The following CNTNAP2 variants were observed in gnomAD, a reference collection of about 807,000 sequenced individuals.
The protein encoded by CNTNAP2 is contactin associated protein 2, also known as contactin-associated protein-like 2.
In CNTNAP2, 98 loss-of-function variants were observed where a neutral mutation model predicts 155.2. That is an observed-to-expected ratio of 0.63 (90% confidence interval 0.54 to 0.75). The LOEUF is 0.75. Ranked by LOEUF, CNTNAP2 falls within the 30% of genes least tolerant of loss-of-function variation. CNTNAP2 has a pLI of 0.00. For synonymous variants in CNTNAP2, 651 were observed against 631.2 expected, an observed-to-expected ratio of 1.03 and a Z score of -0.47; for missense variants, 1,727 against 1,688.1, an observed-to-expected ratio of 1.02 and a Z score of -0.40.
intron 12 of CNTNAP2, among the ~76,000 whole-genome samples, chr7:147,578,866 C>G (rs1210405825): frequency 2.0e-5 from 3 of 151,762 alleles, no homozygotes; most frequent in African/African-American, 4.9e-5. Flanking sequence ...TTTGCCTTCT[C>G]TAAGCTTAGA....
At chr7:147,806,632 T>G (rs1798096023) in intron 13 of CNTNAP2, among the ~76,000 whole-genome samples, 1 of 152,100 alleles carries the variant, frequency 6.6e-6, no homozygotes, top group Non-Finnish European at 1.5e-5. Flanking sequence ...ATAAAGAAAA[T>G]GTGGTACATA....
chr7:147,983,536 A>T (rs1801569031), intron 15 of CNTNAP2, among the ~76,000 whole-genome samples: 1 of 152,216 alleles, frequency 6.6e-6, no homozygotes, highest in Non-Finnish European at 1.5e-5. Context: ...CCCAAGGTAC[A>T]GGCTCAAGAG....
rs545404879 is a variant in CNTNAP2 at position 148,338,413 on chromosome 7, C to T, written c.3476-45236C>T. Among the ~76,000 whole-genome samples, 47 of 152,228 alleles carry T rather than the reference C, an allele frequency of 3.1e-4. 1 individual carries two copies. The highest frequency in any genetic ancestry group is 3.4e-3 in the Middle Eastern group (1 of 294). On this transcript the variant is annotated intron_variant, in intron 21 of 23. Transcript: ENST00000361727. ...ATTTGGAAAAGACAGAAGAACAGAGCGCTTTACGAAAGTCAAGTTACAGCT... is the reference window on the plus strand; with the variant it reads ...ATTTGGAAAAGACAGAAGAACAGAGTGCTTTACGAAAGTCAAGTTACAGCT...
intron 1 of CNTNAP2, among the ~76,000 whole-genome samples, chr7:146,258,639 T>C (rs112190935): frequency 0.041 from 6,306 of 152,224 alleles, 399 homozygotes; most frequent in African/African-American, 0.14. Context: ...AGGGTCAAAA[T>C]ATCCTGAGAG....
intron 14 of CNTNAP2, among the ~76,000 whole-genome samples, chr7:147,938,652 T>G (rs1369924186): frequency 3.3e-5 from 5 of 152,066 alleles, no homozygotes; most frequent in Admixed American, 6.6e-5. Context: ...CCACGTAAAT[T>G]AAGTAAAGCA....
chr7:146,475,711 C>A (rs576433978), intron 1 of CNTNAP2, among the ~76,000 whole-genome samples: 2 of 152,014 alleles, frequency 1.3e-5, no homozygotes, highest in East Asian at 1.9e-4. Flanking sequence ...ACAATAGTGA[C>A]AAGAAAAATG....
chr7:146,156,393 A>C (rs1038722111), intron 1 of CNTNAP2, among the ~76,000 whole-genome samples: 4 of 152,246 alleles, frequency 2.6e-5, no homozygotes, highest in Non-Finnish European at 5.9e-5. Context: ...AAATCACAGA[A>C]GAAAACTGGT....
At chr7:147,619,626 G>A (rs1390660654) in intron 12 of CNTNAP2, among the ~76,000 whole-genome samples, 1 of 152,236 alleles carries the variant, frequency 6.6e-6, no homozygotes. Context: ...GGGAAGTGCT[G>A]CATCTTGTGG....
chr7:147,290,415 C>T (rs555659630), intron 8 of CNTNAP2, among the ~76,000 whole-genome samples: 1 of 152,234 alleles, frequency 6.6e-6, no homozygotes, highest in East Asian at 1.9e-4. Context: ...GGTGCAGTGG[C>T]TCACTCCTGT....
At chr7:146,569,275 T>A (rs1365204665) in intron 1 of CNTNAP2, among the ~76,000 whole-genome samples, 1 of 152,152 alleles carries the variant, frequency 6.6e-6, no homozygotes, top group Non-Finnish European at 1.5e-5. Flanking sequence ...CTCCTCGGCC[T>A]CCCAAAGTGT....
chr7:146,533,740 C>G (rs1037619936), intron 1 of CNTNAP2, among the ~76,000 whole-genome samples: 4 of 152,054 alleles, frequency 2.6e-5, no homozygotes, highest in African/African-American at 7.2e-5. Flanking sequence ...GATCCCATTG[C>G]TGTTATGATT....
At chr7:148,075,152 T>A (rs185221537) in intron 15 of CNTNAP2, among the ~76,000 whole-genome samples, 38 of 152,238 alleles carry the variant, frequency 2.5e-4, no homozygotes, top group Non-Finnish European at 5.3e-4. Flanking sequence ...TAAAAAAAAA[T>A]TAGGTCAGGT....
At chr7:148,286,003 GAGAAA>G (rs1429835418) in intron 21 of CNTNAP2, among the ~76,000 whole-genome samples, 1 of 152,090 alleles carries the variant, frequency 6.6e-6, no homozygotes, top group African/African-American at 2.4e-5. Context: ...AATTAAGCTA[GAGAAA>G]AGAAAACATT....
chr7:146,487,592 C>T (rs1367251223), intron 1 of CNTNAP2, among the ~76,000 whole-genome samples: 1 of 152,070 alleles, frequency 6.6e-6, no homozygotes, highest in South Asian at 2.1e-4. Flanking sequence ...ATCAATTTTC[C>T]CCACAGCAAA....
In CNTNAP2 at chr7:147,511,861, T is replaced by G. The variant is rs143735789; in HGVS notation, c.1777+25820T>G. On this transcript the variant is annotated intron_variant, in intron 11 of 23. Transcript: ENST00000361727. ...CTAACCTATTTTCTCTGACTTTACA[T>G]GAGCAAAGAAAATGCCTTCAAAGTG... Among the ~76,000 whole-genome samples, 1,324 of 152,254 alleles carry G rather than the reference T, an allele frequency of 8.7e-3. 13 individuals are homozygous for G. The highest frequency in any genetic ancestry group is 0.012 in the Non-Finnish European group (823 of 67,996).
At chr7:146,923,370 A>G (rs1796542338) in intron 3 of CNTNAP2, among the ~76,000 whole-genome samples, 2 of 152,196 alleles carry the variant, frequency 1.3e-5, no homozygotes, top group East Asian at 3.9e-4. Flanking sequence ...TGCACAAGGC[A>G]TCATCTCTGC....
chr7:147,364,050 T>C (rs1224019713), intron 9 of CNTNAP2, among the ~76,000 whole-genome samples: 1 of 152,176 alleles, frequency 6.6e-6, no homozygotes, highest in African/African-American at 2.4e-5. Flanking sequence ...GAAATGCACA[T>C]CAAGTAAGAT....
intron 1 of CNTNAP2, among the ~76,000 whole-genome samples, chr7:146,427,277 T>G (rs545281304): frequency 6.6e-6 from 1 of 152,290 alleles, no homozygotes; most frequent in Admixed American, 6.5e-5. Context: ...GCCATCTAGC[T>G]AAGGGACAAA....
rs866009102 is a variant in CNTNAP2 at position 146,754,556 on chromosome 7, C to G, written c.98-19715C>G. Among the ~76,000 whole-genome samples, 940 of 123,714 alleles carry G rather than the reference C, an allele frequency of 7.6e-3. 8 individuals are homozygous for G. The highest frequency in any genetic ancestry group is 0.034 in the African/African-American group (869 of 25,938). 81.2% of individuals were successfully genotyped at this position (123,714 alleles called of 152,430 possible). A position where few individuals can be genotyped will look rare whatever the true frequency, so the allele number is the denominator to read the frequency against. ...AGAGTCTCTCTCTCTCTCTCTCTGT[C>G]TCTCTCTCTCTCTCTCTCTCTCTTT... On this transcript the variant is annotated intron_variant, in intron 1 of 23. Transcript: ENST00000361727.
Sources: allele counts gnomAD v4.1 joint callset (sites outside exome capture counted in the v4.1 genomes callset), GRCh38; gene constraint gnomAD v4.1.1; transcripts MANE v1.5; gene names NCBI Gene and HGNC (gene_info 2026-07-23, HGNC 2026-07-21).